Variants in GRAMD1C observed in about 807,000 individuals in gnomAD.
GRAMD1C encodes the protein GRAM domain containing 1C.
In GRAMD1C, 89 loss-of-function variants were observed where a neutral mutation model predicts 97.8. That is an observed-to-expected ratio of 0.91 (90% CI 0.77 to 1.09). GRAMD1C has a LOEUF of 1.09. GRAMD1C is among the 50% of genes least tolerant of loss of function. The pLI, the probability that GRAMD1C is intolerant of heterozygous loss-of-function variation, is 0.00. For synonymous variants in GRAMD1C, 256 were observed against 267.0 expected (o/e 0.96, Z 0.40); for missense variants, 740 against 766.4 (o/e 0.97, Z 0.41).
intron 6 of GRAMD1C, chr3:113,885,446 C>G (rs1935437457): frequency 1.3e-6 from 2 of 1,579,170 alleles, no homozygotes; most frequent in Admixed American, 3.3e-5. Context: ...CCCTTATCTC[C>G]TGTGTCCCGG....
At position 113,895,726 on chromosome 3, in the gene GRAMD1C, CTCTA is replaced by C. The variant is rs1268776086; in HGVS notation, c.541-5299_541-5296del. Among the ~76,000 whole-genome samples, 10 of 152,160 alleles carry C rather than the reference CTCTA, an allele frequency of 6.6e-5. No individual in the cohort carries two copies. The East Asian group carries it at 1.2e-3, about 18-fold the overall frequency. On this transcript the variant is annotated intron_variant, in intron 6 of 17. Transcript: ENST00000358160. ...TTTACCTTCTTGATTGTCAGAACTC[CTCTA>C]TCTATTTTCCCTTGGTCAGTGAGCT...
chr3:113,903,981 G>A (rs1345347242), intron 7 of GRAMD1C, among the ~76,000 whole-genome samples, 159 bp from the exon 8 acceptor site: 1 of 152,104 alleles, frequency 6.6e-6, no homozygotes, highest in East Asian at 1.9e-4. Flanking sequence ...TGTAATTTAA[G>A]AAGATAGCCT....
At chr3:113,895,218 C>G (rs1220373872) in intron 6 of GRAMD1C, among the ~76,000 whole-genome samples, 1 of 152,148 alleles carries the variant, frequency 6.6e-6, no homozygotes, top group Non-Finnish European at 1.5e-5. Flanking sequence ...GTGCCACTTT[C>G]TGATTGCTAA....
In GRAMD1C at chr3:113,908,270, A is replaced by G. The variant is rs1217853825; in HGVS notation, c.790-688A>G. Among the ~76,000 whole-genome samples the G allele has an allele frequency of 2.6e-5, 4 of 152,344 alleles. No homozygotes were observed. The East Asian group carries it at 7.7e-4, about 29-fold the overall frequency. On this transcript the variant is annotated intron_variant, in intron 8 of 17. Transcript: ENST00000358160. Reference sequence around the variant, plus strand: ...TACAGTACTATTTTACTTGAATACTAACATAGCAATAGCATCATACTTTAA... The same window carrying G: ...TACAGTACTATTTTACTTGAATACTGACATAGCAATAGCATCATACTTTAA...
intron 2 of GRAMD1C, among the ~76,000 whole-genome samples, chr3:113,864,168 A>G (rs1023825329): frequency 2.6e-5 from 4 of 152,098 alleles, no homozygotes; most frequent in African/African-American, 9.7e-5. Context: ...GCTGGAGTGC[A>G]ATGGGATGAT....
chr3:113,866,212 G>A (rs952443518), intron 2 of GRAMD1C, among the ~76,000 whole-genome samples: 3 of 152,140 alleles, frequency 2.0e-5, no homozygotes, highest in Admixed American at 2.0e-4. Context: ...GTCTGTTCTT[G>A]CAGTTCTGTC....
In GRAMD1C at chr3:113,930,746, G is replaced by T; in HGVS notation, c.1123G>T (p.Gly375Ter). Reference sequence around the variant, plus strand: ...ATCTACCCCTTGGACTGCAGAACTTGGAGGTGATCAGCTGAGAACGATGAC... The same window carrying T: ...ATCTACCCCTTGGACTGCAGAACTTTGAGGTGATCAGCTGAGAACGATGAC... ...VVSTPWTAEL[G>*]GDQLRTMTYT... The change falls in exon 11 of 18, where the codon GGA (glycine) becomes TGA (stop). Residue 375 changes from glycine (G) to a stop codon, truncating the protein, a stop_gained. Transcript: ENST00000358160. LOFTEE classifies it high-confidence loss of function. 1 of 1,608,812 alleles carries T rather than the reference G, an allele frequency of 6.2e-7. No homozygotes were observed. The highest frequency in any genetic ancestry group is 8.5e-7 in the Non-Finnish European group (1 of 1,175,420).
chr3:113,847,359 A>T (rs1205584001), intron 2 of GRAMD1C, among the ~76,000 whole-genome samples: 2 of 152,214 alleles, frequency 1.3e-5, no homozygotes, highest in Non-Finnish European at 1.5e-5. Context: ...TATCTTAGGA[A>T]ATAACAACAT....
rs566178823 is a variant in GRAMD1C, at chr3:113,860,735, G to A, written c.175-8772G>A. On this transcript the variant is annotated intron_variant, in intron 2 of 17. Coordinates refer to ENST00000358160, the MANE Select transcript of GRAMD1C (RefSeq NM_017577.5). ...AATCCCAGCACTTTGGGAGGCCAAGGTGGGCAGATCACCTGAGGTCAGGAG... is the reference window on the plus strand; with the variant it reads ...AATCCCAGCACTTTGGGAGGCCAAGATGGGCAGATCACCTGAGGTCAGGAG... Among the ~76,000 whole-genome samples the A allele has an allele frequency of 2.6e-5, 4 of 152,144 alleles. No individual in the cohort carries two copies. The East Asian group carries it at 7.7e-4, about 29-fold the overall frequency.
At position 113,918,721 on chromosome 3, in the gene GRAMD1C, G is replaced by A. The variant is rs1241441205; in HGVS notation, c.1090+2883G>A. Among the ~76,000 whole-genome samples the A allele has an allele frequency of 3.3e-5, 5 of 152,210 alleles. No individual in the cohort carries two copies. In the South Asian group the frequency reaches 8.3e-4, roughly 25 times the overall value. The stretch of plus-strand genomic sequence containing the variant: ...TTCTTTCTTTCTTTTTTTGAGACAA[G>A]GTCTTGCTCTGTTGCCCAGTCTGGA... On this transcript the variant is annotated intron_variant, in intron 10 of 17. Coordinates refer to ENST00000358160, the MANE Select transcript of GRAMD1C (RefSeq NM_017577.5).
chr3:113,918,694 A>G (rs1936925040), intron 10 of GRAMD1C, among the ~76,000 whole-genome samples: 1 of 152,022 alleles, frequency 6.6e-6, no homozygotes, highest in Non-Finnish European at 1.5e-5. Flanking sequence ...TCAAAGTTGT[A>G]TTTCTTTCTT....
chr3:113,906,557 C>A (rs942996039), intron 8 of GRAMD1C, among the ~76,000 whole-genome samples: 1 of 151,610 alleles, frequency 6.6e-6, no homozygotes, highest in East Asian at 1.9e-4. Flanking sequence ...GTGGTCTAAC[C>A]TAAGTATTTT....
At chr3:113,891,384 T>C (rs1935718321) in intron 6 of GRAMD1C, among the ~76,000 whole-genome samples, 1 of 152,176 alleles carries the variant, frequency 6.6e-6, no homozygotes, top group Non-Finnish European at 1.5e-5. Flanking sequence ...GTGCTTGGTA[T>C]AGTCTTGGTA....
At chr3:113,931,888 T>C (rs951766518) in intron 11 of GRAMD1C, among the ~76,000 whole-genome samples, 1 of 152,102 alleles carries the variant, frequency 6.6e-6, no homozygotes, top group African/African-American at 2.4e-5. Context: ...ATCTAGCCAC[T>C]GCACTCTAGC....
chr3:113,892,211 C>CCTGT (rs1258101781), intron 6 of GRAMD1C, among the ~76,000 whole-genome samples: 2 of 152,068 alleles, frequency 1.3e-5, no homozygotes, highest in African/African-American at 4.8e-5. Context: ...AGTGCTCACG[C>CCTGT]CTGTAATCCT....
intron 2 of GRAMD1C, among the ~76,000 whole-genome samples, chr3:113,851,852 T>A (rs1443696699): frequency 6.6e-6 from 1 of 151,670 alleles, no homozygotes; most frequent in Non-Finnish European, 1.5e-5. Context: ...ATCAGAAGCC[T>A]TTATTCTGTA....
At chr3:113,899,968 T>C (rs1053435435) in intron 6 of GRAMD1C, among the ~76,000 whole-genome samples, 4 of 152,176 alleles carry the variant, frequency 2.6e-5, no homozygotes, top group African/African-American at 9.6e-5. Context: ...GGTTAAAATA[T>C]TCAGATACAT....
intron 9 of GRAMD1C, among the ~76,000 whole-genome samples, chr3:113,911,529 T>A (rs1936576777): frequency 6.6e-6 from 1 of 151,992 alleles, no homozygotes; most frequent in Non-Finnish European, 1.5e-5. Flanking sequence ...TCTATTCTTA[T>A]AAGGACACTA....
At chr3:113,841,666 C>G (rs1019496708) in intron 1 of GRAMD1C, among the ~76,000 whole-genome samples, 2 of 152,108 alleles carry the variant, frequency 1.3e-5, no homozygotes, top group African/African-American at 2.4e-5. Flanking sequence ...ATAATTTTAA[C>G]TGGGCATTGA....
Sources: gnomAD v4.1 joint callset for allele counts (sites outside exome capture counted in the v4.1 genomes callset) on GRCh38, gnomAD v4.1.1 for gene constraint, MANE v1.5 for transcripts, NCBI Gene and HGNC (gene_info 2026-07-23, HGNC 2026-07-21) for gene names.